Variants in TRIP4 observed in about 807,000 individuals in gnomAD.
TRIP4 encodes the protein activating signal cointegrator 1.
Under a neutral mutation model 81.8 loss-of-function variants are expected in TRIP4, and 54 were observed. The ratio of observed to expected loss-of-function variants is 0.66; its 90% CI spans 0.53 to 0.83. The LOEUF (loss-of-function observed/expected upper bound fraction) is 0.83, where lower values mean the gene tolerates loss of function less well. Among genes scored for constraint, TRIP4 ranks in the 40% least tolerant of loss-of-function variants. The pLI is 0.00. For synonymous variants in TRIP4, 270 were observed against 242.8 expected, an observed-to-expected ratio of 1.11 and a Z score of -1.04; for missense variants, 662 against 683.6, an observed-to-expected ratio of 0.97 and a Z score of 0.35.
In TRIP4 at chr15:64,401,251, C is replaced by T. The variant is rs572060400; in HGVS notation, c.697+430C>T. Among the ~76,000 whole-genome samples the T allele has an allele frequency of 2.4e-4, 36 of 152,132 alleles. No homozygotes were observed. The South Asian group carries it at 7.5e-3, about 32-fold the overall frequency. ...CTGGGTTCAAGCAATTCTCCTGCCT[C>T]AGCCTGCCAAGTAGCTGGGACTACA... is the stretch of plus-strand genomic sequence containing the variant. On this transcript the variant is annotated intron_variant, in intron 5 of 12. Transcript: ENST00000261884.
At chr15:64,443,416 A>G (rs1223703469) in intron 11 of TRIP4, among the ~76,000 whole-genome samples, 1 of 152,180 alleles carries the variant, frequency 6.6e-6, no homozygotes, top group Non-Finnish European at 1.5e-5. Context: ...AGCCACAGGG[A>G]AGGAAAAACA....
intron 5 of TRIP4, among the ~76,000 whole-genome samples, chr15:64,406,094 A>G (rs1440393803): frequency 1.3e-5 from 2 of 152,216 alleles, no homozygotes; most frequent in African/African-American, 4.8e-5. Flanking sequence ...TAGTGAACCA[A>G]ATTTTTATAA....
chr15:64,437,324 A>G (rs772016525), intron 11 of TRIP4, among the ~76,000 whole-genome samples: 25 of 150,926 alleles, frequency 1.7e-4, no homozygotes, highest in Non-Finnish European at 2.2e-4. Context: ...AGGCTGAGGC[A>G]GGAGAATCTC....
At chr15:64,398,472 G>A (rs1470754168) in intron 4 of TRIP4, among the ~76,000 whole-genome samples, 2 of 151,638 alleles carry the variant, frequency 1.3e-5, no homozygotes, top group Non-Finnish European at 2.9e-5. Flanking sequence ...GCTGGGCTGG[G>A]TATGGTGGTG....
intron 9 of TRIP4, among the ~76,000 whole-genome samples, chr15:64,419,420 G>A (rs750167669): frequency 6.6e-6 from 1 of 151,146 alleles, no homozygotes; most frequent in Non-Finnish European, 1.5e-5. Context: ...GTGCAGTGGC[G>A]TGGTCTCGGC....
At chr15:64,415,575 T>C (rs1177324550) in intron 8 of TRIP4, among the ~76,000 whole-genome samples, 1 of 152,194 alleles carries the variant, frequency 6.6e-6, no homozygotes. Flanking sequence ...AATCTCTGCC[T>C]CTGTCTTCAC....
intron 9 of TRIP4, among the ~76,000 whole-genome samples, chr15:64,419,417 G>A (rs1891959428): frequency 6.6e-6 from 1 of 151,808 alleles, no homozygotes; most frequent in African/African-American, 2.4e-5. Context: ...GGAGTGCAGT[G>A]GCGTGGTCTC....
intron 11 of TRIP4, among the ~76,000 whole-genome samples, chr15:64,427,208 T>G (rs561516866): frequency 6.6e-6 from 1 of 152,292 alleles, no homozygotes; most frequent in South Asian, 2.1e-4. Flanking sequence ...TCCTGTTCTT[T>G]GAACAGTTGC....
chr15:64,411,756 T>C (rs549818707), intron 7 of TRIP4, among the ~76,000 whole-genome samples: 6 of 151,826 alleles, frequency 4.0e-5, no homozygotes, highest in Non-Finnish European at 7.4e-5. Context: ...CTTGGCTCAC[T>C]GCAAGCTCCG....
intron 7 of TRIP4, among the ~76,000 whole-genome samples, chr15:64,411,703 A>C (rs1244354617): frequency 6.7e-6 from 1 of 149,842 alleles, no homozygotes; most frequent in African/African-American, 2.4e-5. Flanking sequence ...TTTTTGAGAC[A>C]AAGTCTCGCT....
intron 5 of TRIP4, among the ~76,000 whole-genome samples, chr15:64,404,962 A>G (rs1891590023): frequency 6.6e-6 from 1 of 152,102 alleles, no homozygotes; most frequent in South Asian, 2.1e-4. Flanking sequence ...CTGCAATTAC[A>G]GGAGTGAGCC....
In TRIP4 at chr15:64,387,852, C is replaced by A; in HGVS notation, c.-12C>A. On this transcript the variant is annotated 5_prime_UTR_variant, in exon 1 of 13. Coordinates refer to ENST00000261884, the MANE Select transcript of TRIP4 (RefSeq NM_016213.5). ...GGGGCTTTTGCAGCTCAGCTGGTTCCGGCTGGGGAAGATGGCGGTGGCTGG... is the reference window on the plus strand; with the variant it reads ...GGGGCTTTTGCAGCTCAGCTGGTTCAGGCTGGGGAAGATGGCGGTGGCTGG... The A allele has an allele frequency of 6.5e-7, 1 of 1,542,140 alleles. No individual in the cohort carries two copies.
At chr15:64,391,790 C>CA (rs1217075669) in intron 1 of TRIP4, among the ~76,000 whole-genome samples, 1 of 148,674 alleles carries the variant, frequency 6.7e-6, no homozygotes, top group Non-Finnish European at 1.5e-5. Flanking sequence ...CCCAACATGG[C>CA]AAAACCTTGT....
intron 11 of TRIP4, among the ~76,000 whole-genome samples, chr15:64,428,511 A>G (rs1361471689): frequency 1.3e-5 from 2 of 152,224 alleles, no homozygotes; most frequent in African/African-American, 2.4e-5. Flanking sequence ...CTGATATATA[A>G]CATTAAAATA....
intron 7 of TRIP4, among the ~76,000 whole-genome samples, chr15:64,411,916 C>T (rs961159730): frequency 2.1e-5 from 3 of 141,526 alleles, no homozygotes; most frequent in Non-Finnish European, 3.0e-5. Context: ...CTCCTGACCT[C>T]GTGATCCACC....
At chr15:64,453,286 C>G (rs1476706893) in intron 12 of TRIP4, among the ~76,000 whole-genome samples, 1 of 152,230 alleles carries the variant, frequency 6.6e-6, no homozygotes, top group Non-Finnish European at 1.5e-5. Flanking sequence ...GAATGGGACT[C>G]ACCTCTGGGT....
intron 5 of TRIP4, among the ~76,000 whole-genome samples, chr15:64,403,182 A>G: frequency 6.8e-6 from 1 of 147,352 alleles, no homozygotes; most frequent in Non-Finnish European, 1.5e-5. Context: ...TTTTAGACGG[A>G]GTCTCGCTCT....
chr15:64,411,817 C>T (rs1357461701), intron 7 of TRIP4, among the ~76,000 whole-genome samples: 1 of 151,950 alleles, frequency 6.6e-6, no homozygotes, highest in Non-Finnish European at 1.5e-5. Flanking sequence ...GTAGCTGGGA[C>T]TACCAACGCC....
At chr15:64,395,739 CTTTT>C (rs5813297) in intron 3 of TRIP4, among the ~76,000 whole-genome samples, 1 of 136,684 alleles carries the variant, frequency 7.3e-6, no homozygotes. Flanking sequence ...GACATCTTTG[CTTTT>C]TTTTTTTTTT....
Sources: gnomAD v4.1 joint callset for allele counts (sites outside exome capture counted in the v4.1 genomes callset) on GRCh38, gnomAD v4.1.1 for gene constraint, MANE v1.5 for transcripts, NCBI Gene and HGNC (gene_info 2026-07-23, HGNC 2026-07-21) for gene names.